Variants in OCA2 observed in about 807,000 individuals in gnomAD.
The protein encoded by OCA2 is P protein.
OCA2 carries 77 observed loss-of-function variants against 100.2 expected under a neutral mutation model. That is an observed-to-expected ratio of 0.77 (90% CI 0.64 to 0.93). The LOEUF (loss-of-function observed/expected upper bound fraction) is 0.93, where lower values mean the gene tolerates loss of function less well. OCA2 is among the 40% of genes least tolerant of loss of function. The pLI is 0.00. For synonymous variants in OCA2, 432 were observed against 439.2 expected (o/e 0.98, Z 0.21); for missense variants, 1,062 against 1,089.1 (o/e 0.98, Z 0.35).
At chr15:27,911,967 T>A (rs1359907617) in intron 19 of OCA2, among the ~76,000 whole-genome samples, 2 of 152,120 alleles carry the variant, frequency 1.3e-5, no homozygotes, top group Non-Finnish European at 2.9e-5. Context: ...TGTAGTTGAG[T>A]TAGTAAATCT....
the OCA2 span, among the ~76,000 whole-genome samples, chr15:27,729,590 C>T: frequency 1.3e-5 from 2 of 152,110 alleles, no homozygotes; most frequent in Non-Finnish European, 2.9e-5. Context: ...GAATTGCTGG[C>T]AGAACTCAAC....
rs533692635 is a variant in OCA2 at position 28,062,897 on chromosome 15, C to T, written c.227+18751G>A. Among the ~76,000 whole-genome samples, 8 of 152,184 alleles carry T rather than the reference C, an allele frequency of 5.3e-5. No individual in the cohort carries two copies. The East Asian group carries it at 1.2e-3, about 22-fold the overall frequency. On this transcript the variant is annotated intron_variant, in intron 2 of 23. Transcript: ENST00000354638. ...AGAGTTTATTTCTGGAGTCTTGATCCTCTTTCATTAATCTGTATGTCTATC... is the reference window on the plus strand; with the variant it reads ...AGAGTTTATTTCTGGAGTCTTGATCTTCTTTCATTAATCTGTATGTCTATC...
Position 27,966,779 on chromosome 15 carries a change from A to G in OCA2, c.1547T>C (p.Ile516Thr). The G allele has an allele frequency of 2.5e-6, 4 of 1,613,260 alleles. No homozygotes were observed. The highest frequency in any genetic ancestry group is 1.8e-4 in the Middle Eastern group (1 of 5,408). The stretch of plus-strand genomic sequence containing the variant: ...AAAGCAGACCAGGAGAACAAGGCAA[A>G]TCCCAATGAACATGTGTGCAGTGAA... ...AGFTAHMFIG[I>T]CLVLLVCFPL... is the part of the protein sequence containing the mutation. The change falls in exon 15 of 24, where the codon ATT (isoleucine) becomes ACT (threonine). Residue 516 changes from isoleucine to threonine, a missense_variant. Coordinates refer to ENST00000354638, the MANE Select transcript of OCA2 (RefSeq NM_000275.3).
intron 23 of OCA2, among the ~76,000 whole-genome samples, chr15:27,813,671 G>A (rs2034167832): frequency 1.3e-5 from 2 of 152,114 alleles, no homozygotes; most frequent in Admixed American, 6.5e-5. Context: ...TAATTACAGT[G>A]GCGCCTAGTG....
At chr15:27,850,992 A>T (rs2035727097) in intron 22 of OCA2, among the ~76,000 whole-genome samples, 1 of 152,190 alleles carries the variant, frequency 6.6e-6, no homozygotes, top group Non-Finnish European at 1.5e-5. Flanking sequence ...CTTATGGGTT[A>T]GAGTCTCCCC....
chr15:27,771,369 C>CG (rs1329280649), intron 23 of OCA2, among the ~76,000 whole-genome samples: 1 of 146,834 alleles, frequency 6.8e-6, no homozygotes, highest in African/African-American at 2.5e-5. Flanking sequence ...CGAGAGGCCC[C>CG]GGGGGAGAGA....
At chr15:27,777,293 C>T (rs1422020498) in intron 23 of OCA2, among the ~76,000 whole-genome samples, 7 of 152,092 alleles carry the variant, frequency 4.6e-5, no homozygotes, top group South Asian at 4.1e-4. Flanking sequence ...ACTTAATAAA[C>T]GCACAGAAAA....
intron 23 of OCA2, chr15:27,776,745 G>A (rs924952174): frequency 3.3e-5 from 5 of 152,330 alleles, no homozygotes; most frequent in African/African-American, 2.4e-5. Flanking sequence ...TCCAGCTGAC[G>A]ATTGCACTTG....
At chr15:27,986,690 A>G (rs1303309969) in intron 11 of OCA2, 47 bp from the exon 12 acceptor site, 1 of 1,249,048 alleles carries the variant, frequency 8.0e-7, no homozygotes, top group Non-Finnish European at 1.2e-6. Flanking sequence ...GCAGGACACC[A>G]TATTAAAACG....
the OCA2 span, among the ~76,000 whole-genome samples, chr15:27,725,298 C>T: frequency 0.078 from 11,799 of 152,240 alleles, 1,563 homozygotes; most frequent in African/African-American, 0.27. Context: ...CTTCCTTGAC[C>T]GGGCATGGTG....
chr15:27,845,702 G>A (rs561183641), intron 22 of OCA2, among the ~76,000 whole-genome samples: 7 of 152,260 alleles, frequency 4.6e-5, no homozygotes, highest in Non-Finnish European at 8.8e-5. Context: ...AGCCTCCTCC[G>A]TCGCTCCCAG....
At chr15:27,885,843 G>A (rs565294876) in intron 19 of OCA2, among the ~76,000 whole-genome samples, 20 of 152,248 alleles carry the variant, frequency 1.3e-4, no homozygotes, top group African/African-American at 4.8e-4. Context: ...TGATCTCCTG[G>A]AGCTTATATT....
At chr15:27,792,297 A>G (rs1381278776) in intron 23 of OCA2, among the ~76,000 whole-genome samples, 1 of 150,634 alleles carries the variant, frequency 6.6e-6, no homozygotes, top group Non-Finnish European at 1.5e-5. Flanking sequence ...TCATTGATCC[A>G]TGCTTTTTAT....
chr15:27,824,465 A>G (rs1335523265), intron 23 of OCA2, among the ~76,000 whole-genome samples: 1 of 151,722 alleles, frequency 6.6e-6, no homozygotes, highest in Non-Finnish European at 1.5e-5. Context: ...ATCAAGTTTA[A>G]GGAAGTAAAA....
intron 21 of OCA2, among the ~76,000 whole-genome samples, chr15:27,870,448 A>C (rs1353572511): frequency 2.6e-5 from 4 of 152,174 alleles, no homozygotes; most frequent in Non-Finnish European, 5.9e-5. Flanking sequence ...CCAAGCAATC[A>C]GTGACGGCAG....
intron 23 of OCA2, among the ~76,000 whole-genome samples, chr15:27,770,950 C>CCCTTTT (rs1566949486): frequency 2.3e-5 from 3 of 132,606 alleles, no homozygotes; most frequent in African/African-American, 5.7e-5. Flanking sequence ...TTCCTTGCTT[C>CCCTTTT]CATCTTTCCT....
chr15:27,866,382 G>A (rs141239850), intron 21 of OCA2, among the ~76,000 whole-genome samples: 1 of 152,320 alleles, frequency 6.6e-6, no homozygotes, highest in Non-Finnish European at 1.5e-5. Flanking sequence ...TGCACAGCTA[G>A]GGTCTGCGAC....
chr15:27,975,665 A>C (rs2040943019), intron 14 of OCA2, among the ~76,000 whole-genome samples: 1 of 152,072 alleles, frequency 6.6e-6, no homozygotes, highest in African/African-American at 2.4e-5. Flanking sequence ...TGATGCCAAA[A>C]CCACTGTCTT....
At chr15:28,086,701 C>A (rs939435192) in intron 1 of OCA2, among the ~76,000 whole-genome samples, 1 of 151,866 alleles carries the variant, frequency 6.6e-6, no homozygotes, top group African/African-American at 2.4e-5. Context: ...AAAAATGTTT[C>A]AAAGAGAAAT....
Sources: gnomAD v4.1 joint callset for allele counts (sites outside exome capture counted in the v4.1 genomes callset) on GRCh38, gnomAD v4.1.1 for gene constraint, MANE v1.5 for transcripts, NCBI Gene and HGNC (gene_info 2026-07-23, HGNC 2026-07-21) for gene names.